KIF13A: variants seen among roughly 807,000 people sequenced by gnomAD.
The protein encoded by KIF13A is kinesin-like protein KIF13A.
KIF13A carries 79 observed loss-of-function variants against 212.2 expected under a neutral mutation model. The ratio of observed to expected loss-of-function variants is 0.37; its 90% CI spans 0.31 to 0.45. The LOEUF is 0.45. Ranked by LOEUF, KIF13A falls within the 20% of genes least tolerant of loss-of-function variation. KIF13A has a pLI of 1.00. For missense variants in KIF13A, 1,901 were observed against 2,209.0 expected (o/e 0.86, Z 2.79); for synonymous variants, 789 against 808.6 (o/e 0.98, Z 0.41).
rs1273310241 is a variant in KIF13A, at chr6:17,825,573, T to C, written c.1786+195A>G. On this transcript the variant is annotated intron_variant, in intron 16 of 38. Coordinates refer to ENST00000259711, the MANE Select transcript of KIF13A (RefSeq NM_022113.6). The surrounding 1 kb of genome is among the most constrained non-coding windows in gnomAD (Gnocchi z 4.5). ...AAAAACGGGACCATCCATATCCTCA[T>C]TGTAACTGAGGGAGAAGACCATCTC... Among the ~76,000 whole-genome samples the C allele has an allele frequency of 3.9e-5, 6 of 152,168 alleles. No individual in the cohort carries two copies. The highest frequency in any genetic ancestry group is 9.7e-5 in the African/African-American group (4 of 41,444).
chr6:17,825,993 G>GA lies in KIF13A; in HGVS notation c.1619+44dup. The GA allele has an allele frequency of 6.2e-7, 1 of 1,610,124 alleles. No individual in the cohort carries two copies. Among genetic ancestry groups the GA allele is most frequent in the South Asian group, 1.1e-5 (1 of 90,822 alleles). On this transcript the variant is annotated intron_variant, in intron 15 of 38. Transcript: ENST00000259711. The surrounding 1 kb of genome is among the most constrained non-coding windows in gnomAD (Gnocchi z 4.5). Reference sequence around the variant, plus strand: ...TTGTTTTACACTTAAATAGATAACAGAAAAAATGTATACGAAAATATATTA... The same window carrying GA: ...TTGTTTTACACTTAAATAGATAACAGAAAAAAATGTATACGAAAATATATTA...
In KIF13A at chr6:17,947,395, G is replaced by C. The variant is rs941300906; in HGVS notation, c.146+39659C>G. 6.6e-6 allele frequency among the ~76,000 whole-genome samples: 1 copy of C among 152,094 alleles called. No individual in the cohort carries two copies. Among genetic ancestry groups the C allele is most frequent in the Non-Finnish European group, 1.5e-5 (1 of 68,006 alleles). The stretch of plus-strand genomic sequence containing the variant: ...TCTATTTTTAAAAGATCAACATAAG[G>C]AGAATAAACTTATTTTAGCAAAATT... On this transcript the variant is annotated intron_variant, in intron 2 of 38. Transcript: ENST00000259711. The surrounding 1 kb of genome is among the most constrained non-coding windows in gnomAD (Gnocchi z 4.6).
chr6:17,857,882 G>C (rs1292994200), intron 4 of KIF13A, among the ~76,000 whole-genome samples: 1 of 152,100 alleles, frequency 6.6e-6, no homozygotes, highest in East Asian at 1.9e-4. Context: ...TGGGAATCAA[G>C]TTAAATGCCC....
intron 2 of KIF13A, among the ~76,000 whole-genome samples, chr6:17,960,247 A>T (rs1246416688): frequency 1.3e-5 from 2 of 152,224 alleles, no homozygotes; most frequent in Non-Finnish European, 2.9e-5. Context: ...GTAACTAAAA[A>T]AAAGTAAACA....
intron 2 of KIF13A, among the ~76,000 whole-genome samples, chr6:17,949,437 T>A (rs975529955): frequency 6.6e-6 from 1 of 151,734 alleles, no homozygotes; most frequent in Non-Finnish European, 1.5e-5. Flanking sequence ...TAGCTGCTGA[T>A]ATATTTCAGC....
chr6:17,801,580 T>C lies in KIF13A; in HGVS notation c.2455-1467A>G, dbSNP rs2150334389. Among the ~76,000 whole-genome samples the C allele has an allele frequency of 3.3e-5, 5 of 152,334 alleles. No individual in the cohort carries two copies. The South Asian group carries it at 1.0e-3, about 32-fold the overall frequency. ...AGCATAGAATAGTTGCTATAATAGA[T>C]ATATGTGCGAGTTGTTATGGGATAA... On this transcript the variant is annotated intron_variant, in intron 20 of 38. Transcript: ENST00000259711.
intron 3 of KIF13A, among the ~76,000 whole-genome samples, chr6:17,879,251 G>T (rs1293001105): frequency 6.6e-6 from 1 of 152,086 alleles, no homozygotes; most frequent in African/African-American, 2.4e-5. Flanking sequence ...TCTAAATGGT[G>T]AGCTCCATGG....
intron 2 of KIF13A, among the ~76,000 whole-genome samples, chr6:17,972,656 G>A (rs1275005856): frequency 1.3e-5 from 2 of 152,032 alleles, no homozygotes. Flanking sequence ...GTCGTTTTGC[G>A]CTTTCTGGTT....
intron 2 of KIF13A, among the ~76,000 whole-genome samples, chr6:17,945,933 T>C (rs982161039): frequency 4.6e-5 from 7 of 152,174 alleles, no homozygotes; most frequent in African/African-American, 1.7e-4. Flanking sequence ...GGCTGGACTA[T>C]TCAATAAATA....
chr6:17,881,705 C>A, intron 3 of KIF13A: 1 of 308,928 alleles, frequency 3.2e-6, no homozygotes, highest in South Asian at 2.6e-5. Context: ...CAAAAAAAAG[C>A]AGCAGCAATG....
chr6:17,882,027 T>C (rs1424494751), intron 3 of KIF13A: 3 of 456,726 alleles, frequency 6.6e-6, no homozygotes, highest in South Asian at 3.1e-5. Context: ...AGATCTTCTA[T>C]GTTCCCTGCA....
chr6:17,904,473 T>TA (rs1561743934), intron 2 of KIF13A, among the ~76,000 whole-genome samples: 1 of 151,620 alleles, frequency 6.6e-6, no homozygotes, highest in Non-Finnish European at 1.5e-5. Flanking sequence ...GACTTAAAAA[T>TA]AAAAAAGAAA....
intron 6 of KIF13A, among the ~76,000 whole-genome samples, chr6:17,853,695 G>A (rs1767875623): frequency 6.6e-6 from 1 of 152,010 alleles, no homozygotes; most frequent in South Asian, 2.1e-4. Context: ...AATGAATCAC[G>A]GTGGGGGGAA....
Position 17,783,593 on chromosome 6 carries a change from T to TTAGTTAAA in KIF13A, c.3544+52_3544+53insTTTAACTA. On this transcript the variant is annotated intron_variant, in intron 29 of 38. Transcript: ENST00000259711. The surrounding 1 kb of genome is among the most constrained non-coding windows in gnomAD (Gnocchi z 4.3). ...TCAAAATAATGTGAATCTGGATAGA[T>TTAGTTAAA]TACAAACCTTAGTTAAATACAATAA... 7.8e-6 allele frequency: 9 copies of TTAGTTAAA among 1,154,366 alleles called. No homozygotes were observed. The South Asian group carries it at 1.2e-4, about 15-fold the overall frequency. 71.5% of individuals were successfully genotyped at this position (1,154,366 alleles called of 1,614,324 possible). A position where few individuals can be genotyped will look rare whatever the true frequency, so the allele number is the denominator to read the frequency against.
At chr6:17,835,725 AAT>A (rs1337289542) in intron 11 of KIF13A, among the ~76,000 whole-genome samples, 1 of 152,226 alleles carries the variant, frequency 6.6e-6, no homozygotes, top group African/African-American at 2.4e-5. Flanking sequence ...ATCACCAATT[AAT>A]AGAGTATTCA....
chr6:17,861,600 T>C (rs1488273663), intron 4 of KIF13A, among the ~76,000 whole-genome samples: 1 of 152,218 alleles, frequency 6.6e-6, no homozygotes, highest in Non-Finnish European at 1.5e-5. Context: ...CAACAATCCC[T>C]GTGATCATTC....
At chr6:17,966,491 T>TA in intron 2 of KIF13A, among the ~76,000 whole-genome samples, 1 of 136,656 alleles carries the variant, frequency 7.3e-6, no homozygotes, top group African/African-American at 2.7e-5. Flanking sequence ...TTTCAAAAGT[T>TA]CTGAAAAAAA....
In KIF13A at chr6:17,790,810, T is replaced by G. The variant is rs1359229; in HGVS notation, c.3223-900A>C. ...TACTACACTGTTGAAATAAAAGCAA[T>G]AGCATACTATTTGGAATATAAGGAT... On this transcript the variant is annotated intron_variant, in intron 25 of 38. Transcript: ENST00000259711. Among the ~76,000 whole-genome samples the G allele has an allele frequency of 9.9e-5, 15 of 152,062 alleles. No homozygotes were observed. In the South Asian group the frequency reaches 3.1e-3, roughly 32 times the overall value.
intron 9 of KIF13A, among the ~76,000 whole-genome samples, chr6:17,840,564 T>A (rs1415425857): frequency 6.6e-6 from 1 of 152,174 alleles, no homozygotes; most frequent in Admixed American, 6.5e-5. Flanking sequence ...ACCTTTCACA[T>A]GAAAATACAT....
Sources: allele counts gnomAD v4.1 joint callset (sites outside exome capture counted in the v4.1 genomes callset), GRCh38; gene constraint gnomAD v4.1.1; non-coding constraint Gnocchi (gnomAD v3.1); transcripts MANE v1.5; gene names NCBI Gene and HGNC (gene_info 2026-07-23, HGNC 2026-07-21).